RABGAP1L: variants seen among roughly 807,000 people sequenced by gnomAD.
RABGAP1L encodes the protein RAB GTPase activating protein 1 like.
Under a neutral mutation model 137.7 loss-of-function variants are expected in RABGAP1L, and 63 were observed. That is an observed-to-expected ratio of 0.46 (90% CI 0.37 to 0.56). The LOEUF (loss-of-function observed/expected upper bound fraction) is 0.56, where lower values mean the gene tolerates loss of function less well. RABGAP1L is among the 20% of genes least tolerant of loss of function. The probability of loss-of-function intolerance (pLI) is 0.00; values close to 1 mark genes in which losing one functional copy is unlikely to be tolerated. For synonymous variants in RABGAP1L, 431 were observed against 433.7 expected, an observed-to-expected ratio of 0.99 and a Z score of 0.08; for missense variants, 1,095 against 1,244.0, an observed-to-expected ratio of 0.88 and a Z score of 1.80.
At chr1:174,836,872 A>G (rs996944853) in intron 19 of RABGAP1L, among the ~76,000 whole-genome samples, 3 of 152,232 alleles carry the variant, frequency 2.0e-5, no homozygotes, top group African/African-American at 7.2e-5. Flanking sequence ...ATGAAAACCA[A>G]ATGAATGCTG....
rs1558297301 is a variant in RABGAP1L at position 174,973,972 on chromosome 1, G to GTTT, written c.2545-2102_2545-2100dup. On this transcript the variant is annotated intron_variant, in intron 21 of 25. Coordinates refer to ENST00000681986, the MANE Select transcript of RABGAP1L (RefSeq NM_001366446.1). Reference sequence around the variant, plus strand: ...GAACACTGAAATGAGCAGTACAATTGTTTTTTGTTTTTTTTTTTTTTTTTT... The same window carrying GTTT: ...GAACACTGAAATGAGCAGTACAATTGTTTTTTTTTGTTTTTTTTTTTTTTTTTT... Among the ~76,000 whole-genome samples the GTTT allele has an allele frequency of 1.9e-3, 178 of 94,212 alleles. 6 individuals are homozygous for GTTT. Among genetic ancestry groups the GTTT allele is most frequent in the African/African-American group, 7.5e-3 (157 of 20,838 alleles). 61.8% of individuals were successfully genotyped at this position (94,212 alleles called of 152,430 possible). A position where few individuals can be genotyped will look rare whatever the true frequency, so the allele number is the denominator to read the frequency against.
rs74126875 is a variant in RABGAP1L at position 174,756,040 on chromosome 1, G to C, written c.2211+3686G>C. On this transcript the variant is annotated intron_variant, in intron 18 of 25. Coordinates refer to ENST00000681986, the MANE Select transcript of RABGAP1L (RefSeq NM_001366446.1). The stretch of plus-strand genomic sequence containing the variant: ...CCAGTCTCATAAGATTGTTGTCAGA[G>C]TTTAATGAGTTAATATATGATTGAT... 3.3e-3 allele frequency among the ~76,000 whole-genome samples: 501 copies of C among 152,258 alleles called. 5 individuals carry two copies. Among genetic ancestry groups the C allele is most frequent in the African/African-American group, 0.012 (487 of 41,522 alleles).
At chr1:174,596,067 T>C (rs951010868) in intron 13 of RABGAP1L, among the ~76,000 whole-genome samples, 1 of 120,876 alleles carries the variant, frequency 8.3e-6, no homozygotes, top group Non-Finnish European at 1.6e-5. Flanking sequence ...GTGCGCCGTT[T>C]CTTAAGCCGG....
At chr1:174,546,016 A>G (rs1259980258) in intron 13 of RABGAP1L, 1 of 152,188 alleles carries the variant, frequency 6.6e-6, no homozygotes, top group Non-Finnish European at 1.5e-5. Flanking sequence ...GTCATAAAGA[A>G]AAAAAGAATC....
intron 1 of RABGAP1L, among the ~76,000 whole-genome samples, chr1:174,192,884 G>A (rs1667311126): frequency 6.6e-6 from 1 of 152,178 alleles, no homozygotes; most frequent in Non-Finnish European, 1.5e-5. Context: ...TGACAATGCT[G>A]TCGTTACTGT....
At chr1:174,406,960 A>T (rs1273364251) in intron 13 of RABGAP1L, among the ~76,000 whole-genome samples, 1 of 152,190 alleles carries the variant, frequency 6.6e-6, no homozygotes, top group Non-Finnish European at 1.5e-5. Context: ...TTCCAATTTC[A>T]TAATAACTTT....
intron 13 of RABGAP1L, among the ~76,000 whole-genome samples, chr1:174,418,956 T>C (rs1473791772): frequency 6.6e-6 from 1 of 152,104 alleles, no homozygotes; most frequent in Non-Finnish European, 1.5e-5. Context: ...GAGAATCGCT[T>C]GAACCTAGGA....
intron 13 of RABGAP1L, among the ~76,000 whole-genome samples, chr1:174,588,256 G>A (rs1378747010): frequency 6.6e-6 from 1 of 151,448 alleles, no homozygotes; most frequent in African/African-American, 2.4e-5. Flanking sequence ...CTCCGCCTCT[G>A]GGGTTCAAGT....
At chr1:174,665,758 C>T (rs764159429) in intron 14 of RABGAP1L, among the ~76,000 whole-genome samples, 1 of 152,210 alleles carries the variant, frequency 6.6e-6, no homozygotes, top group African/African-American at 2.4e-5. Context: ...AGCCACTGTG[C>T]CCAGCCTTAG....
chr1:174,529,026 A>G lies in RABGAP1L; in HGVS notation c.1711-108349A>G, dbSNP rs1158267848. ...TTTTAATGATATCTATCTCTTTGGT[A>G]TATTTCTCATTCATGTCCTGAATTA... On this transcript the variant is annotated intron_variant, in intron 13 of 25. Transcript: ENST00000681986. Among the ~76,000 whole-genome samples, 3 of 145,684 alleles carry G rather than the reference A, an allele frequency of 2.1e-5. No homozygotes were observed. The East Asian group carries it at 6.1e-4, about 30-fold the overall frequency.
intron 12 of RABGAP1L, among the ~76,000 whole-genome samples, chr1:174,384,394 A>T (rs1686554041): frequency 1.3e-5 from 2 of 152,186 alleles, no homozygotes; most frequent in Non-Finnish European, 2.9e-5. Flanking sequence ...ATTGTATACT[A>T]AAAATGTGAA....
At chr1:174,424,789 T>C (rs941080492) in intron 13 of RABGAP1L, among the ~76,000 whole-genome samples, 3 of 152,060 alleles carry the variant, frequency 2.0e-5, no homozygotes, top group African/African-American at 7.2e-5. Flanking sequence ...GTATATCACA[T>C]CATTCATGAC....
chr1:174,612,237 C>A (rs1671323188), intron 13 of RABGAP1L, among the ~76,000 whole-genome samples: 1 of 152,106 alleles, frequency 6.6e-6, no homozygotes, highest in Non-Finnish European at 1.5e-5. Context: ...CCCATCAATA[C>A]CTAATTTATT....
intron 17 of RABGAP1L, among the ~76,000 whole-genome samples, chr1:174,740,351 A>G (rs1408954972): frequency 1.3e-5 from 2 of 152,166 alleles, no homozygotes; most frequent in Non-Finnish European, 2.9e-5. Flanking sequence ...AGGGTCCCCA[A>G]AGATGAATAC....
chr1:174,800,212 A>C, intron 18 of RABGAP1L: 1 of 1,405,552 alleles, frequency 7.1e-7, no homozygotes. Context: ...GACAATTCCC[A>C]CCACAGACTG....
chr1:174,465,513 T>G (rs935021120), intron 13 of RABGAP1L, among the ~76,000 whole-genome samples: 1 of 152,170 alleles, frequency 6.6e-6, no homozygotes, highest in Non-Finnish European at 1.5e-5. Context: ...TGAGCGTCTT[T>G]TGTGTGCAAG....
At chr1:174,403,276 TTCTC>T (rs1200749639) in intron 13 of RABGAP1L, among the ~76,000 whole-genome samples, 1 of 150,674 alleles carries the variant, frequency 6.6e-6, no homozygotes. Context: ...ATTTCTTTTC[TTCTC>T]TCTTTTTTTT....
chr1:174,924,826 T>C (rs1348312802), intron 19 of RABGAP1L, among the ~76,000 whole-genome samples: 1 of 152,120 alleles, frequency 6.6e-6, no homozygotes, highest in Non-Finnish European at 1.5e-5. Context: ...AGCTTAAGTT[T>C]AAGTAGAGAC....
chr1:174,835,928 G>A (rs986595716), intron 19 of RABGAP1L, among the ~76,000 whole-genome samples: 8 of 152,128 alleles, frequency 5.3e-5, no homozygotes, highest in African/African-American at 1.7e-4. Flanking sequence ...AAGTGACCTC[G>A]GAAGCCACAC....
Sources: allele counts gnomAD v4.1 joint callset (sites outside exome capture counted in the v4.1 genomes callset), GRCh38; gene constraint gnomAD v4.1.1; transcripts MANE v1.5; gene names NCBI Gene and HGNC (gene_info 2026-07-23, HGNC 2026-07-21).